The following EPHA3 variants were observed in gnomAD, a reference collection of about 807,000 sequenced individuals.
EPHA3 encodes ephrin type-A receptor 3.
Under a neutral mutation model 107.1 loss-of-function variants are expected in EPHA3, and 42 were observed. The observed-to-expected ratio is 0.39, with a 90% CI of 0.31 to 0.51. The LOEUF (loss-of-function observed/expected upper bound fraction) is 0.51. Among genes scored for constraint, EPHA3 ranks in the 20% least tolerant of loss-of-function variants. The pLI, the probability that EPHA3 is intolerant of heterozygous loss-of-function variation, is 0.78. For synonymous variants in EPHA3, 461 were observed against 424.8 expected (o/e 1.09, Z -1.05); for missense variants, 1,183 against 1,211.2 (o/e 0.98, Z 0.35).
At chr3:89,180,570 T>C (rs1397640046) in intron 2 of EPHA3, among the ~76,000 whole-genome samples, 1 of 152,036 alleles carries the variant, frequency 6.6e-6, no homozygotes, top group Non-Finnish European at 1.5e-5. Flanking sequence ...GAGCATTTCC[T>C]TATATATGCA....
intron 13 of EPHA3, among the ~76,000 whole-genome samples, chr3:89,437,616 A>G (rs1709699408): frequency 6.6e-6 from 1 of 152,148 alleles, no homozygotes; most frequent in Non-Finnish European, 1.5e-5. Context: ...ATGAAATTTT[A>G]TCTTTAACTG....
At chr3:89,391,782 C>T (rs1365777709) in intron 5 of EPHA3, among the ~76,000 whole-genome samples, 1 of 152,058 alleles carries the variant, frequency 6.6e-6, no homozygotes, top group Non-Finnish European at 1.5e-5. Flanking sequence ...ATCAATACCA[C>T]TTTACAAAGT....
chr3:89,211,763 T>G (rs1345320961), intron 3 of EPHA3, among the ~76,000 whole-genome samples: 1 of 134,096 alleles, frequency 7.5e-6, no homozygotes, highest in Non-Finnish European at 1.6e-5. Flanking sequence ...TTCTTCTTCT[T>G]CTTCTTCTTC....
At chr3:89,318,799 G>A (rs931376266) in intron 3 of EPHA3, among the ~76,000 whole-genome samples, 7 of 151,822 alleles carry the variant, frequency 4.6e-5, no homozygotes, top group African/African-American at 1.7e-4. Context: ...TTAGTTATGA[G>A]TTTTCTTATA....
At chr3:89,144,161 A>G (rs1559750912) in intron 2 of EPHA3, among the ~76,000 whole-genome samples, 1 of 151,698 alleles carries the variant, frequency 6.6e-6, no homozygotes, top group Non-Finnish European at 1.5e-5. Context: ...TGCATAATAC[A>G]TATTTTCACC....
chr3:89,281,675 C>T (rs9877514), intron 3 of EPHA3, among the ~76,000 whole-genome samples: 75,579 of 152,012 alleles, frequency 0.5, 19,776 homozygotes, highest in African/African-American at 0.66. Flanking sequence ...AGATGTTCCA[C>T]TGGAGATACA....
intron 5 of EPHA3, among the ~76,000 whole-genome samples, chr3:89,345,523 CTCTT>C (rs1165211169): frequency 2.0e-5 from 3 of 150,928 alleles, no homozygotes; most frequent in Non-Finnish European, 4.4e-5. Flanking sequence ...ACCCCCATCT[CTCTT>C]TCTATGTAAA....
chr3:89,270,600 T>C lies in EPHA3; in HGVS notation c.814+60080T>C, dbSNP rs75236363. On this transcript the variant is annotated intron_variant, in intron 3 of 16. Coordinates refer to ENST00000336596, the MANE Select transcript of EPHA3 (RefSeq NM_005233.6). ...CTCTCTTATTGAGTGTTTCTTTTCA[T>C]TGATGTTCATAAAACTTAAACAAAT... is the stretch of plus-strand genomic sequence containing the variant. 3.1e-4 allele frequency among the ~76,000 whole-genome samples: 47 copies of C among 152,250 alleles called. No individual in the cohort carries two copies. In the East Asian group the frequency reaches 5.6e-3, roughly 18 times the overall value.
intron 5 of EPHA3, among the ~76,000 whole-genome samples, chr3:89,366,511 T>C (rs1178102607): frequency 1.3e-5 from 2 of 150,826 alleles, no homozygotes; most frequent in Non-Finnish European, 3.0e-5. Context: ...ACCACTAAGA[T>C]CTGATTCTTG....
intron 5 of EPHA3, among the ~76,000 whole-genome samples, chr3:89,377,043 C>G (rs1708416628): frequency 6.6e-6 from 1 of 151,964 alleles, no homozygotes; most frequent in Non-Finnish European, 1.5e-5. Context: ...AGTTGCTTCC[C>G]TCATTATAAA....
At chr3:89,159,121 G>A (rs189992869) in intron 2 of EPHA3, among the ~76,000 whole-genome samples, 52 of 152,042 alleles carry the variant, frequency 3.4e-4, no homozygotes, top group African/African-American at 1.1e-3. Context: ...TTTCTAATGT[G>A]ATTTTACTGA....
At chr3:89,432,339 G>A (rs1709585403) in intron 13 of EPHA3, among the ~76,000 whole-genome samples, 1 of 152,042 alleles carries the variant, frequency 6.6e-6, no homozygotes. Flanking sequence ...AATTCAAAAT[G>A]CATTTGAATT....
intron 11 of EPHA3, among the ~76,000 whole-genome samples, chr3:89,424,931 T>G (rs910711450): frequency 7.3e-5 from 11 of 151,234 alleles, no homozygotes; most frequent in African/African-American, 2.2e-4. Flanking sequence ...ATTGATAGAG[T>G]AGGGTTGGTT....
chr3:89,432,315 AT>A (rs1296852744), intron 13 of EPHA3, among the ~76,000 whole-genome samples: 4 of 152,156 alleles, frequency 2.6e-5, no homozygotes, highest in Admixed American at 2.6e-4. Context: ...ATATGTTTTA[AT>A]TTGCATCCAT....
chr3:89,389,448 A>G lies in EPHA3; in HGVS notation c.1307-6389A>G, dbSNP rs140393155. ...TTTTTAAAAGCTTTGGCTCACTTAG[A>G]AAAGAAATCCTGAGCCCTTTTTGTT... On this transcript the variant is annotated intron_variant, in intron 5 of 16. Coordinates refer to ENST00000336596, the MANE Select transcript of EPHA3 (RefSeq NM_005233.6). Among the ~76,000 whole-genome samples the G allele has an allele frequency of 5.8e-3, 887 of 152,312 alleles. 8 individuals are homozygous for G. Among genetic ancestry groups the G allele is most frequent in the African/African-American group, 0.02 (835 of 41,566 alleles).
chr3:89,231,425 A>G (rs1320318650), intron 3 of EPHA3, among the ~76,000 whole-genome samples: 1 of 152,166 alleles, frequency 6.6e-6, no homozygotes, highest in East Asian at 1.9e-4. Flanking sequence ...TTTCTATTAA[A>G]TACCTAATTT....
intron 2 of EPHA3, among the ~76,000 whole-genome samples, chr3:89,187,369 T>G (rs1195101999): frequency 1.3e-5 from 2 of 148,744 alleles, no homozygotes; most frequent in African/African-American, 4.9e-5. Flanking sequence ...TAAATAAATG[T>G]ATATATCTAT....
chr3:89,228,354 A>G (rs1704547865), intron 3 of EPHA3, among the ~76,000 whole-genome samples: 1 of 151,948 alleles, frequency 6.6e-6, no homozygotes, highest in African/African-American at 2.4e-5. Context: ...AAAGCCTGCC[A>G]GCACAGTTAT....
rs11920966 is a variant in EPHA3, at chr3:89,329,275, G to A, written c.815-11641G>A. On this transcript the variant is annotated intron_variant, in intron 3 of 16. Transcript: ENST00000336596. ...CTCCTCCTTCTCCTTCCCACTCCCC[G>A]CTCCGCCCCCACCATCCTCTCCACA... Among the ~76,000 whole-genome samples, 657 of 151,440 alleles carry A rather than the reference G, an allele frequency of 4.3e-3. 5 individuals carry two copies. The highest frequency in any genetic ancestry group is 0.014 in the African/African-American group (591 of 41,276).
Sources: allele counts gnomAD v4.1 joint callset (sites outside exome capture counted in the v4.1 genomes callset), GRCh38; gene constraint gnomAD v4.1.1; transcripts MANE v1.5; gene names NCBI Gene and HGNC (gene_info 2026-07-23, HGNC 2026-07-21).